The following BCL11B variants were observed in gnomAD, a reference collection of about 807,000 sequenced individuals.
The protein encoded by BCL11B is B-cell lymphoma/leukemia 11B.
A neutral mutation model predicts 49.9 loss-of-function variants in BCL11B; 8 were observed. That is an observed-to-expected ratio of 0.16 (90% CI 0.09 to 0.29). The LOEUF is 0.29. BCL11B is among the 10% of genes least tolerant of loss of function. The pLI is 1.00. For missense variants in BCL11B, 1,006 were observed against 1,351.0 expected (o/e 0.74, Z 4.00); for synonymous variants, 739 against 637.4 (o/e 1.16, Z -2.40).
At chr14:99,258,554 A>G (rs1176084800) in intron 1 of BCL11B, among the ~76,000 whole-genome samples, 1 of 152,226 alleles carries the variant, frequency 6.6e-6, no homozygotes. Context: ...GGAAGCCCAC[A>G]TGCTCAGAAA....
chr14:99,174,988 G>T lies in BCL11B; in HGVS notation c.1848C>A (p.Asp616Glu), dbSNP rs761923052. The T allele has an allele frequency of 5.1e-6, 8 of 1,577,384 alleles. No individual in the cohort carries two copies. The East Asian group carries it at 1.9e-4, about 37-fold the overall frequency. ...ALPQYGELLA[D>E]KQKRGAFLKR... ...TCAGGAAGGCGCCGCGCTTCTGCTT[G>T]TCGGCCAGGAGCTCGCCGTACTGCG... Residue 616 changes from aspartate to glutamate, a missense_variant, in exon 4 of 4, where the codon GAC becomes GAA. Asp to Glu is a conservative substitution (Grantham distance 45, BLOSUM62 2). Around this residue, in one of 6 missense-constraint regions of BCL11B, gnomAD observed 443 missense variants for 499.7 expected, o/e 0.89. Coordinates refer to ENST00000357195, the MANE Select transcript of BCL11B (RefSeq NM_138576.4).
intron 3 of BCL11B, among the ~76,000 whole-genome samples, chr14:99,211,812 T>A (rs1887697821): frequency 6.6e-6 from 1 of 152,216 alleles, no homozygotes; most frequent in African/African-American, 2.4e-5. Flanking sequence ...TCTAAACTTG[T>A]GTTTATTTTA....
chr14:99,211,028 TAAG>T (rs1887672969), intron 3 of BCL11B, among the ~76,000 whole-genome samples: 1 of 152,216 alleles, frequency 6.6e-6, no homozygotes, highest in Admixed American at 6.5e-5. Context: ...ATCATAATAA[TAAG>T]ATCAATAACA....
chr14:99,211,922 A>C (rs1887700569), intron 3 of BCL11B, among the ~76,000 whole-genome samples: 3 of 152,130 alleles, frequency 2.0e-5, no homozygotes, highest in Non-Finnish European at 2.9e-5. Flanking sequence ...AGAAACTTCA[A>C]CTTGATACAA....
chr14:99,269,445 A>C (rs1191429059), intron 1 of BCL11B, among the ~76,000 whole-genome samples: 2 of 152,048 alleles, frequency 1.3e-5, no homozygotes, highest in East Asian at 3.9e-4. Flanking sequence ...CGAAAAATAA[A>C]AGAGAAGTCC....
intron 1 of BCL11B, among the ~76,000 whole-genome samples, chr14:99,261,249 C>G (rs904957548): frequency 6.6e-6 from 1 of 152,216 alleles, no homozygotes; most frequent in African/African-American, 2.4e-5. Context: ...TTTGTAGACA[C>G]CCCCAAAGAC....
chr14:99,207,435 C>A (rs544803476), intron 3 of BCL11B, among the ~76,000 whole-genome samples: 4 of 152,138 alleles, frequency 2.6e-5, no homozygotes, highest in Non-Finnish European at 4.4e-5. Context: ...GAAAATCCCC[C>A]ATGAAGCTGA....
At chr14:99,220,874 A>G (rs1257444) in intron 3 of BCL11B, among the ~76,000 whole-genome samples, 82,817 of 151,980 alleles carry the variant, frequency 0.54, 22,911 homozygotes, top group Admixed American at 0.62. Flanking sequence ...ATTTTTAGAC[A>G]GCATCTCGCT....
In BCL11B at chr14:99,205,320, CCTAA is replaced by C. The variant is rs752735934; in HGVS notation, c.640+26021_640+26024del. On this transcript the variant is annotated intron_variant, in intron 3 of 3. Transcript: ENST00000357195. The surrounding 1 kb of genome is among the most constrained non-coding windows in gnomAD (Gnocchi z 5.0). The stretch of plus-strand genomic sequence containing the variant: ...TGAAAATGAGCATCCGGGGACAGTC[CCTAA>C]CTGAGACGGCCCAGGCCAGCAGGGC... Among the ~76,000 whole-genome samples the C allele has an allele frequency of 2.5e-4, 38 of 152,128 alleles. No homozygotes were observed. Among genetic ancestry groups the C allele is most frequent in the Non-Finnish European group, 5.0e-4 (34 of 68,032 alleles).
chr14:99,271,227 C>G lies in BCL11B; in HGVS notation c.-9G>C. ...TGTTTGCGGCGGGACATTGCCCCGG[C>G]ATCTATTCTGGCATCGCCCGGAGAG... On this transcript the variant is annotated 5_prime_UTR_variant, in exon 1 of 4. The change abolishes an upstream ATG in the 5' untranslated region. Coordinates refer to ENST00000357195, the MANE Select transcript of BCL11B (RefSeq NM_138576.4). 6.6e-7 allele frequency: 1 copy of G among 1,521,382 alleles called. No individual in the cohort carries two copies. Among genetic ancestry groups the G allele is most frequent in the Non-Finnish European group, 8.8e-7 (1 of 1,139,316 alleles). 94.2% of individuals were successfully genotyped at this position (1,521,382 alleles called of 1,614,324 possible). A position where few individuals can be genotyped will look rare whatever the true frequency, so the allele number is the denominator to read the frequency against.
At chr14:99,214,534 G>A (rs1384699704) in intron 3 of BCL11B, among the ~76,000 whole-genome samples, 2 of 151,328 alleles carry the variant, frequency 1.3e-5, no homozygotes, top group Non-Finnish European at 2.9e-5. Flanking sequence ...CTCCAGCCTG[G>A]GTGACAGAGC....
At chr14:99,199,671 T>TGCGC (rs1398397541) in intron 3 of BCL11B, among the ~76,000 whole-genome samples, 3 of 86,158 alleles carry the variant, frequency 3.5e-5, no homozygotes, top group East Asian at 2.6e-4. Context: ...TGTGTGTGTG[T>TGCGC]GTGTGTGTGT....
At chr14:99,177,032 C>A (rs1886555891) in intron 3 of BCL11B, among the ~76,000 whole-genome samples, 1 of 152,030 alleles carries the variant, frequency 6.6e-6, no homozygotes, top group African/African-American at 2.4e-5. Flanking sequence ...GCACTGTACA[C>A]CTGAATATGG....
chr14:99,216,738 T>C (rs1309188846), intron 3 of BCL11B, among the ~76,000 whole-genome samples: 1 of 152,162 alleles, frequency 6.6e-6, no homozygotes, highest in African/African-American at 2.4e-5. Context: ...CTTGGGAGGC[T>C]GGGAGGGGCC....
intron 1 of BCL11B, among the ~76,000 whole-genome samples, chr14:99,259,076 C>T (rs528360847): frequency 1.0e-3 from 153 of 152,152 alleles, no homozygotes; most frequent in African/African-American, 3.6e-3. Flanking sequence ...TGAGCAAATT[C>T]GGGCTGGAAT....
In BCL11B at chr14:99,228,147, T is replaced by C. The variant is rs1005227111; in HGVS notation, c.640+3198A>G. Among the ~76,000 whole-genome samples the C allele has an allele frequency of 1.3e-5, 2 of 152,164 alleles. No individual in the cohort carries two copies. Among genetic ancestry groups the C allele is most frequent in the South Asian group, 2.1e-4 (1 of 4,824 alleles). On this transcript the variant is annotated intron_variant, in intron 3 of 3. Transcript: ENST00000357195. The surrounding 1 kb of genome is among the most constrained non-coding windows in gnomAD (Gnocchi z 4.8). ...GGTTCTCCATGTTAACTTGAAGAGATGGGTTCAATGCATCCTGATCCGAAA... is the reference window on the plus strand; with the variant it reads ...GGTTCTCCATGTTAACTTGAAGAGACGGGTTCAATGCATCCTGATCCGAAA...
intron 3 of BCL11B, among the ~76,000 whole-genome samples, chr14:99,227,406 G>C (rs1300333764): frequency 2.0e-5 from 3 of 152,106 alleles, no homozygotes; most frequent in Non-Finnish European, 4.4e-5. Flanking sequence ...GAGGGATGGA[G>C]AGGGGAAATG....
intron 3 of BCL11B, among the ~76,000 whole-genome samples, chr14:99,196,263 C>T (rs535366080): frequency 6.6e-6 from 1 of 152,276 alleles, no homozygotes; most frequent in East Asian, 1.9e-4. Context: ...AACCAGGCAA[C>T]CAGGGGAGGA....
intron 1 of BCL11B, among the ~76,000 whole-genome samples, chr14:99,258,907 G>C (rs1037450909): frequency 2.0e-5 from 3 of 151,936 alleles, no homozygotes. Flanking sequence ...TTTTTTGTGG[G>C]GGAGAGAGTA....
Sources: gnomAD v4.1 joint callset for allele counts (sites outside exome capture counted in the v4.1 genomes callset) on GRCh38, gnomAD v4.1.1 for gene constraint, gnomAD v4.1.1 regional missense constraint, Gnocchi (gnomAD v3.1) non-coding constraint, MANE v1.5 for transcripts, NCBI Gene and HGNC (gene_info 2026-07-23, HGNC 2026-07-21) for gene names.